MASP1: variants seen among roughly 807,000 people sequenced by gnomAD.
MASP1 encodes mannan-binding lectin serine protease 1.
In MASP1, 59 loss-of-function variants were observed where a neutral mutation model predicts 77.1. The observed-to-expected ratio is 0.77, with a 90% CI of 0.62 to 0.95. The LOEUF (loss-of-function observed/expected upper bound fraction) is 0.95, where lower values mean the gene tolerates loss of function less well. Among genes scored for constraint, MASP1 ranks in the 40% least tolerant of loss-of-function variants. The probability of loss-of-function intolerance (pLI) is 0.00; values close to 1 mark genes in which losing one functional copy is unlikely to be tolerated. For missense variants in MASP1, 885 were observed against 912.9 expected (o/e 0.97, Z 0.39); for synonymous variants, 362 against 354.5 (o/e 1.02, Z -0.24).
At chr3:187,284,201 A>T (rs544170394) in intron 2 of MASP1, among the ~76,000 whole-genome samples, 1 of 152,024 alleles carries the variant, frequency 6.6e-6, no homozygotes, top group East Asian at 1.9e-4. Context: ...TATTTTCAAG[A>T]CTCATCTTTC....
rs1379530312 is a variant in MASP1 at position 187,235,469 on chromosome 3, C to T, written c.*215G>A. 1 of 1,520,436 alleles carries T rather than the reference C, an allele frequency of 6.6e-7. No homozygotes were observed. The highest frequency in any genetic ancestry group is 8.8e-7 in the Non-Finnish European group (1 of 1,138,416). 94.2% of individuals were successfully genotyped at this position (1,520,436 alleles called of 1,614,324 possible). A position where few individuals can be genotyped will look rare whatever the true frequency, so the allele number is the denominator to read the frequency against. ...AGTGAGGCCCAGACAGGGAAAGAGA[C>T]TTGGACAAGCTCAGGAACACAGGTC... is the stretch of plus-strand genomic sequence containing the variant. On this transcript the variant is annotated 3_prime_UTR_variant, in exon 11 of 11. Coordinates refer to ENST00000296280, the MANE Select transcript of MASP1 (RefSeq NM_139125.4).
intron 11 of MASP1, chr3:187,226,582 G>A (rs1712448939): frequency 1.7e-6 from 2 of 1,157,638 alleles, no homozygotes; most frequent in Non-Finnish European, 2.5e-6. Flanking sequence ...CCTCTGTCTT[G>A]AGCTGAGGAT....
At chr3:187,241,313 G>T (rs1713616371) in intron 10 of MASP1, among the ~76,000 whole-genome samples, 168 bp downstream of exon 10, 1 of 152,172 alleles carries the variant, frequency 6.6e-6, no homozygotes, top group Non-Finnish European at 1.5e-5. Flanking sequence ...GTTTGAGAAG[G>T]TGTGAAGCAA....
At chr3:187,290,770 TTGTGTGTGTGTGTGTG>T (rs55722614) in intron 1 of MASP1, among the ~76,000 whole-genome samples, 1 of 149,792 alleles carries the variant, frequency 6.7e-6, no homozygotes, top group Middle Eastern at 3.2e-3. Context: ...CTGCAGAGCA[TTGTGTGTGTGTGTGTG>T]TGTGTGTGTG....
rs533132140 is a variant in MASP1 at position 187,289,605 on chromosome 3, G to T, written c.5+2023C>A. ...TATTAATGCCAAAGTCCCTCCTCAGGAGGTTCTGGTTTAATTGCTCTGGGG... is the reference window on the plus strand; with the variant it reads ...TATTAATGCCAAAGTCCCTCCTCAGTAGGTTCTGGTTTAATTGCTCTGGGG... On this transcript the variant is annotated intron_variant, in intron 1 of 10. Transcript: ENST00000296280. Among the ~76,000 whole-genome samples, 5 of 152,290 alleles carry T rather than the reference G, an allele frequency of 3.3e-5. No individual in the cohort carries two copies. In the East Asian group the frequency reaches 9.6e-4, roughly 29 times the overall value.
Position 187,251,701 on chromosome 3 carries a change from G to T in MASP1, c.944C>A (p.Ser315Tyr). 6.2e-7 allele frequency: 1 copy of T among 1,614,222 alleles called. No individual in the cohort carries two copies. Among genetic ancestry groups the T allele is most frequent in the Non-Finnish European group, 8.5e-7 (1 of 1,180,030 alleles). The change falls in exon 7 of 11, where the codon TCC becomes TAC. Residue 315 changes from serine (S) to tyrosine (Y), a missense_variant. Physicochemically the swap from Ser to Tyr is moderately radical, Grantham distance 144. Transcript: ENST00000296280. ...GTCTTTGAAGAAATACTTGGCTTGG[G>T]AGGGCTCGATTTTCCCATGGACAGG... Reference protein sequence around the residue: ...QPPVHGKIEPSQAKYFFKDQV... With the variant: ...QPPVHGKIEPYQAKYFFKDQV...
chr3:187,226,479 A>C, exon 12 of MASP1: 1 of 1,612,976 alleles, frequency 6.2e-7, no homozygotes, highest in South Asian at 1.1e-5. Context: ...GGATCGAGTG[A>C]CTGGTGGAGG....
Position 187,251,658 on chromosome 3 carries a change from A to C in MASP1, c.987T>G (p.Cys329Trp). 6.2e-7 allele frequency: 1 copy of C among 1,614,076 alleles called. No individual in the cohort carries two copies. ...YFFKDQVLVS[C>W]DTGYKVLKDN... ...CCTTCAGCACTTTGTAGCCTGTGTC[A>C]CAGCTGACGAGCACTTGGTCTTTGA... Residue 329 changes from cysteine (C) to tryptophan (W), a missense_variant, in exon 7 of 11, where the codon TGT becomes TGG. Transcript: ENST00000296280.
At chr3:187,273,660 G>A (rs1240905533) in intron 2 of MASP1, among the ~76,000 whole-genome samples, 2 of 152,122 alleles carry the variant, frequency 1.3e-5, no homozygotes, top group Admixed American at 1.3e-4. Context: ...ACTTCACCAG[G>A]TAGCTTTAAT....
At chr3:187,287,749 G>A (rs1384144633) in intron 1 of MASP1, among the ~76,000 whole-genome samples, 1 of 152,154 alleles carries the variant, frequency 6.6e-6, no homozygotes, top group East Asian at 1.9e-4. Flanking sequence ...GTCAATGCTG[G>A]GAAACCATAC....
intron 2 of MASP1, among the ~76,000 whole-genome samples, chr3:187,283,007 C>T (rs1032046951): frequency 2.6e-5 from 4 of 152,186 alleles, no homozygotes; most frequent in Non-Finnish European, 5.9e-5. Context: ...AATTTTGGAG[C>T]AGAGAGGGTG....
chr3:187,229,861 G>A, downstream of MASP1: 1 of 1,614,136 alleles, frequency 6.2e-7, no homozygotes, highest in Non-Finnish European at 8.5e-7. Context: ...GAAGATCCTG[G>A]CCATCAGCTT....
intron 1 of MASP1, among the ~76,000 whole-genome samples, chr3:187,287,054 C>T (rs1480101225): frequency 1.3e-5 from 2 of 152,226 alleles, no homozygotes; most frequent in African/African-American, 4.8e-5. Flanking sequence ...TTACATTCTC[C>T]TATATGGCTT....
intron 2 of MASP1, among the ~76,000 whole-genome samples, chr3:187,271,563 C>T (rs1716519043): frequency 6.6e-6 from 1 of 152,028 alleles, no homozygotes; most frequent in South Asian, 2.1e-4. Context: ...TATAATTATA[C>T]CTATGTTGAA....
In MASP1 at chr3:187,234,459, CAG is replaced by C. The variant is rs752355458; in HGVS notation, c.*1223_*1224del. On this transcript the variant is annotated 3_prime_UTR_variant, in exon 11 of 11. Coordinates refer to ENST00000296280, the MANE Select transcript of MASP1 (RefSeq NM_139125.4). ...TGCCAGCCTGTTGCTGACGGAGAAC[CAG>C]AGACTCAGACAAAGAAAATGATTTT... The C allele has an allele frequency of 7.8e-7, 1 of 1,285,642 alleles. No homozygotes were observed. Among genetic ancestry groups the C allele is most frequent in the South Asian group, 1.2e-5 (1 of 80,908 alleles). The allele number at this position is 1,285,642 out of a possible 1,614,324, so 79.6% of individuals were successfully genotyped here.
Position 187,234,261 on chromosome 3 carries a change from T to A in MASP1, c.*1423A>T. The A allele has an allele frequency of 1.6e-6, 2 of 1,287,218 alleles. No homozygotes were observed. The highest frequency in any genetic ancestry group is 2.0e-6 in the Non-Finnish European group (2 of 988,684). 79.7% of individuals were successfully genotyped at this position (1,287,218 alleles called of 1,614,324 possible). On this transcript the variant is annotated 3_prime_UTR_variant, in exon 11 of 11. Transcript: ENST00000296280. ...TGAGCCGGTTGAGAAAGTGGACACT[T>A]CCCAATCATTCCCTCTCAGGGGCTT...
chr3:187,229,916 G>C, downstream of MASP1: 1 of 1,613,986 alleles, frequency 6.2e-7, no homozygotes, highest in African/African-American at 1.3e-5. Flanking sequence ...AAGGGAGGGA[G>C]GGAGAGACAG....
At chr3:187,261,007 C>T (rs527812946) in intron 3 of MASP1, 135 bp from the exon 4 acceptor site, 15 of 1,039,898 alleles carry the variant, frequency 1.4e-5, no homozygotes, top group Non-Finnish European at 2.2e-5. Context: ...TCCTCTCATA[C>T]AGCCCAGAGG....
In MASP1 at chr3:187,256,801, G is replaced by A; in HGVS notation, c.607C>T (p.Pro203Ser). ...RTGVITSPDF[P>S]NPYPKSSECL... is the part of the protein sequence containing the mutation. ...TCAGAGCTCTTGGGGTAAGGGTTTG[G>A]GAAGTCAGGGCTGGTGATCACCCCA... The change falls in exon 5 of 11, where the codon CCA (proline) becomes TCA (serine). Residue 203 changes from proline to serine, a missense_variant. Pro to Ser is a moderately conservative substitution (Grantham distance 74). Transcript: ENST00000296280. The A allele has an allele frequency of 6.2e-7, 1 of 1,613,990 alleles. No individual in the cohort carries two copies. The highest frequency in any genetic ancestry group is 1.3e-5 in the African/African-American group (1 of 74,962).
Sources: gnomAD v4.1 joint callset for allele counts (sites outside exome capture counted in the v4.1 genomes callset) on GRCh38, gnomAD v4.1.1 for gene constraint, MANE v1.5 for transcripts, NCBI Gene and HGNC (gene_info 2026-07-23, HGNC 2026-07-21) for gene names.